The following EPHA6 variants were observed in gnomAD, a reference collection of about 807,000 sequenced individuals.
EPHA6 encodes the protein EPH receptor A6.
Under a neutral mutation model 112.0 loss-of-function variants are expected in EPHA6, and 50 were observed. The observed-to-expected ratio is 0.45, with a 90% CI of 0.36 to 0.56. The LOEUF (loss-of-function observed/expected upper bound fraction) is 0.56. EPHA6 is among the 20% of genes least tolerant of loss of function. The pLI, the probability that EPHA6 is intolerant of heterozygous loss-of-function variation, is 0.00. For synonymous variants in EPHA6, 529 were observed against 490.7 expected (o/e 1.08, Z -1.03); for missense variants, 1,280 against 1,417.4 (o/e 0.90, Z 1.56).
At chr3:97,051,672 A>G (rs926804544) in intron 3 of EPHA6, among the ~76,000 whole-genome samples, 3 of 152,150 alleles carry the variant, frequency 2.0e-5, no homozygotes, top group Admixed American at 6.6e-5. Context: ...TAAGTGTTGC[A>G]GTAGTTTTCA....
At chr3:97,526,182 A>G (rs1258760408) in intron 10 of EPHA6, among the ~76,000 whole-genome samples, 1 of 152,216 alleles carries the variant, frequency 6.6e-6, no homozygotes, top group Non-Finnish European at 1.5e-5. Flanking sequence ...AATGGGACAG[A>G]GGTGAGGGAT....
intron 2 of EPHA6, among the ~76,000 whole-genome samples, chr3:96,938,084 G>T (rs1334953001): frequency 6.6e-6 from 1 of 151,468 alleles, no homozygotes; most frequent in East Asian, 1.9e-4. Flanking sequence ...TTGACTTGGT[G>T]ATGCGGGCTC....
At position 97,372,399 on chromosome 3, in the gene EPHA6, A is replaced by G. The variant is rs191220145; in HGVS notation, c.1607-32751A>G. Among the ~76,000 whole-genome samples the G allele has an allele frequency of 3.3e-4, 51 of 152,288 alleles. 2 individuals carry two copies. The highest frequency in any genetic ancestry group is 2.4e-3 in the Admixed American group (36 of 15,284). The stretch of plus-strand genomic sequence containing the variant: ...TGAGCAAGTTAATACGAAGATGTGC[A>G]TATCCTTCATGCCATCCATCAGTTC... On this transcript the variant is annotated intron_variant, in intron 5 of 17. Coordinates refer to ENST00000389672, the MANE Select transcript of EPHA6 (RefSeq NM_001080448.3).
At chr3:97,089,379 A>G (rs2046996581) in intron 3 of EPHA6, among the ~76,000 whole-genome samples, 2 of 152,132 alleles carry the variant, frequency 1.3e-5, no homozygotes, top group South Asian at 4.1e-4. Flanking sequence ...AATTAAAATC[A>G]TACTTGAGTC....
chr3:97,596,910 G>GTATATA (rs2093599570), intron 12 of EPHA6, among the ~76,000 whole-genome samples: 19 of 97,874 alleles, frequency 1.9e-4, no homozygotes, highest in African/African-American at 1.0e-3. Context: ...ATATATGTAT[G>GTATATA]TATATATGCC....
chr3:96,881,241 A>G lies in EPHA6; in HGVS notation c.450+14352A>G, dbSNP rs1304764601. Reference sequence around the variant, plus strand: ...TATGTAGAAATTGATAAATCATTGTATTAGTCTGCTTTCACACTGCTGTTA... The same window carrying G: ...TATGTAGAAATTGATAAATCATTGTGTTAGTCTGCTTTCACACTGCTGTTA... On this transcript the variant is annotated intron_variant, in intron 2 of 17. Transcript: ENST00000389672. Among the ~76,000 whole-genome samples, 3 of 152,054 alleles carry G rather than the reference A, an allele frequency of 2.0e-5. No individual in the cohort carries two copies. In the East Asian group the frequency reaches 5.8e-4, roughly 29 times the overall value.
chr3:97,172,485 C>T (rs1458958982), intron 3 of EPHA6, among the ~76,000 whole-genome samples: 1 of 152,008 alleles, frequency 6.6e-6, no homozygotes, highest in African/African-American at 2.4e-5. Context: ...GTGATTCTTA[C>T]TCATTCTAAA....
intron 2 of EPHA6, among the ~76,000 whole-genome samples, chr3:96,895,413 C>CA (rs1391548694): frequency 1.1e-4 from 16 of 151,816 alleles, no homozygotes; most frequent in East Asian, 1.9e-4. Flanking sequence ...GTCTGTAAAT[C>CA]AAAAAATGTT....
intron 1 of EPHA6, among the ~76,000 whole-genome samples, chr3:96,866,355 A>G (rs1247974875): frequency 2.0e-5 from 3 of 152,038 alleles, no homozygotes; most frequent in Non-Finnish European, 2.9e-5. Flanking sequence ...TTTAAAGATT[A>G]TAAGATTTTT....
At chr3:97,719,153 T>A (rs1039260805) in intron 14 of EPHA6, among the ~76,000 whole-genome samples, 3 of 134,568 alleles carry the variant, frequency 2.2e-5, no homozygotes, top group Non-Finnish European at 4.6e-5. Context: ...TAGTTTCACC[T>A]TTAAAGATAT....
chr3:97,513,761 A>G (rs1326697736), intron 10 of EPHA6, among the ~76,000 whole-genome samples: 1 of 152,120 alleles, frequency 6.6e-6, no homozygotes, highest in Non-Finnish European at 1.5e-5. Flanking sequence ...AGAATGGTGC[A>G]TATGTCAATT....
chr3:97,151,413 T>C (rs147454903), intron 3 of EPHA6, among the ~76,000 whole-genome samples: 2,046 of 152,238 alleles, frequency 0.013, 42 homozygotes, highest in African/African-American at 0.044. Context: ...TTACAGTGCC[T>C]TATACATAGT....
At chr3:97,576,081 A>G (rs1188952832) in intron 11 of EPHA6, among the ~76,000 whole-genome samples, 3 of 152,128 alleles carry the variant, frequency 2.0e-5, no homozygotes, top group Admixed American at 2.0e-4. Flanking sequence ...GGGTAGGCTA[A>G]GGGAAATGGG....
chr3:96,814,910 G>A lies in EPHA6; in HGVS notation c.287G>A (p.Gly96Glu), dbSNP rs766018382. The change falls in exon 1 of 18, where the codon GGG becomes GAG. Residue 96 changes from glycine (G) to glutamate (E), a missense_variant. Transcript: ENST00000389672. ...AAAAGAGAGCCTAGGAGAACCATGGGGGGCTGCGAAGTCCGGGAATTTCTT... is the reference window on the plus strand; with the variant it reads ...AAAAGAGAGCCTAGGAGAACCATGGAGGGCTGCGAAGTCCGGGAATTTCTT... The part of the protein sequence containing the change: ...ERKREPRRTM[G>E]GCEVREFLLQ... 6.4e-7 allele frequency: 1 copy of A among 1,552,810 alleles called. No homozygotes were observed. Among genetic ancestry groups the A allele is most frequent in the East Asian group, 2.4e-5 (1 of 40,948 alleles).
At chr3:97,543,408 T>C (rs1256663114) in intron 11 of EPHA6, among the ~76,000 whole-genome samples, 7 of 152,200 alleles carry the variant, frequency 4.6e-5, no homozygotes, top group Non-Finnish European at 8.8e-5. Context: ...TAGCTGTAGA[T>C]ATGCAGCATT....
chr3:97,430,229 T>C (rs1238434313), intron 6 of EPHA6, among the ~76,000 whole-genome samples: 1 of 152,150 alleles, frequency 6.6e-6, no homozygotes, highest in Non-Finnish European at 1.5e-5. Flanking sequence ...AGAAACATTT[T>C]TGACACCCTC....
At chr3:97,683,894 G>C (rs2032053717) in intron 14 of EPHA6, among the ~76,000 whole-genome samples, 1 of 152,128 alleles carries the variant, frequency 6.6e-6, no homozygotes, top group Non-Finnish European at 1.5e-5. Context: ...GACTTCTCAT[G>C]CTGCATTAGC....
chr3:96,977,280 C>G (rs1475423535), intron 2 of EPHA6, among the ~76,000 whole-genome samples: 1 of 152,124 alleles, frequency 6.6e-6, no homozygotes, highest in East Asian at 1.9e-4. Flanking sequence ...AAGACAAATA[C>G]TGCATGTTCT....
intron 2 of EPHA6, among the ~76,000 whole-genome samples, chr3:96,947,682 A>G (rs1212764927): frequency 3.3e-5 from 5 of 152,178 alleles, no homozygotes; most frequent in African/African-American, 1.2e-4. Context: ...CTGGGAATCT[A>G]ACTTACAAGG....
Sources: gnomAD v4.1 joint callset for allele counts (sites outside exome capture counted in the v4.1 genomes callset) on GRCh38, gnomAD v4.1.1 for gene constraint, MANE v1.5 for transcripts, NCBI Gene and HGNC (gene_info 2026-07-23, HGNC 2026-07-21) for gene names.